Variants in DEPDC5 observed in about 807,000 individuals in gnomAD.
DEPDC5 encodes GATOR1 complex protein DEPDC5.
In DEPDC5, 73 loss-of-function variants were observed where a neutral mutation model predicts 217.3. That is an observed-to-expected ratio of 0.34 (90% confidence interval 0.28 to 0.41). The LOEUF (loss-of-function observed/expected upper bound fraction) is 0.41. Ranked by LOEUF, DEPDC5 falls within the 10% of genes least tolerant of loss-of-function variation. The pLI, the probability that DEPDC5 is intolerant of heterozygous loss-of-function variation, is 1.00. For missense variants in DEPDC5, 1,675 were observed against 2,070.1 expected (o/e 0.81, Z 3.70); for synonymous variants, 733 against 756.7 (o/e 0.97, Z 0.51).
In DEPDC5 at chr22:31,893,679, C is replaced by G; in HGVS notation, c.4131C>G (p.Asn1377Lys). 6.2e-7 allele frequency: 1 copy of G among 1,613,988 alleles called. No homozygotes were observed. The highest frequency in any genetic ancestry group is 8.5e-7 in the Non-Finnish European group (1 of 1,179,978). ...GGTGCAGCTGTTATTACCATGGCAACTTTTCTCTGAATGCAGCCTTTGAGA... is the reference window on the plus strand; with the variant it reads ...GGTGCAGCTGTTATTACCATGGCAAGTTTTCTCTGAATGCAGCCTTTGAGA... ...LEWCSCYYHG[N>K]FSLNAAFEIK... is the part of the protein sequence containing the mutation. The change falls in exon 39 of 43, where the codon AAC (asparagine) becomes AAG (lysine). Residue 1377 changes from asparagine to lysine, a missense_variant. Transcript: ENST00000651528.
intron 31 of DEPDC5, among the ~76,000 whole-genome samples, chr22:31,848,409 G>C (rs898742552): frequency 7.2e-5 from 11 of 152,210 alleles, no homozygotes; most frequent in African/African-American, 2.7e-4. Context: ...AATCTAGGCA[G>C]AGATTCCCAA....
intron 6 of DEPDC5, among the ~76,000 whole-genome samples, chr22:31,768,369 A>G (rs950190126): frequency 3.3e-5 from 5 of 152,132 alleles, no homozygotes; most frequent in Non-Finnish European, 7.3e-5. Context: ...ACCACAAATT[A>G]TAGGTAGAAT....
chr22:31,808,206 G>A (rs1044321001), intron 18 of DEPDC5, among the ~76,000 whole-genome samples: 23 of 149,170 alleles, frequency 1.5e-4, no homozygotes, highest in African/African-American at 5.2e-4. Context: ...ATCAGTTTTC[G>A]TGCCCCAGCC....
chr22:31,792,630 AAAGAC>A (rs2085804980), intron 11 of DEPDC5, 110 bp from the exon 12 acceptor site: 1 of 614,776 alleles, frequency 1.6e-6, no homozygotes, highest in South Asian at 2.1e-5. Flanking sequence ...AAAAAAAAAA[AAAGAC>A]AGTTATCTTT....
chr22:31,810,457 T>G (rs1024317533), intron 19 of DEPDC5, 64 bp from the exon 20 acceptor site: 8 of 1,604,482 alleles, frequency 5.0e-6, no homozygotes, highest in Admixed American at 3.4e-5. Context: ...ATTTGTGTAT[T>G]TCAGCTCTCA....
At chr22:31,882,714 G>A (rs1327495772) in intron 38 of DEPDC5, among the ~76,000 whole-genome samples, 1 of 152,028 alleles carries the variant, frequency 6.6e-6, no homozygotes, top group East Asian at 1.9e-4. Context: ...TTTAAGGTGG[G>A]AAGTAACTAT....
chr22:31,778,464 G>A (rs1200380813), intron 8 of DEPDC5, among the ~76,000 whole-genome samples: 1 of 152,070 alleles, frequency 6.6e-6, no homozygotes, highest in Non-Finnish European at 1.5e-5. Flanking sequence ...ACTCCAGCCT[G>A]GGCAACAGAG....
chr22:31,788,683 C>T (rs1215939747), intron 10 of DEPDC5, among the ~76,000 whole-genome samples: 2 of 151,932 alleles, frequency 1.3e-5, no homozygotes, highest in Non-Finnish European at 1.5e-5. Flanking sequence ...AAGCAGTTCT[C>T]CTGCTTCAGC....
At chr22:31,826,652 C>A (rs1392362738) in intron 24 of DEPDC5, among the ~76,000 whole-genome samples, 1 of 152,160 alleles carries the variant, frequency 6.6e-6, no homozygotes, top group Non-Finnish European at 1.5e-5. Context: ...CATGTTTCCG[C>A]ACAGCTCCGT....
In DEPDC5 at chr22:31,856,773, TTTTGTTTG is replaced by T. The variant is rs141442882; in HGVS notation, c.3156-648_3156-641del. Among the ~76,000 whole-genome samples, 638 of 151,988 alleles carry T rather than the reference TTTTGTTTG, an allele frequency of 4.2e-3. 2 individuals carry two copies. The highest frequency in any genetic ancestry group is 4.7e-3 in the Non-Finnish European group (320 of 67,962). On this transcript the variant is annotated intron_variant, in intron 31 of 42. Transcript: ENST00000651528. ...TTTTATGCTGCATGTTAATGCAGTT[TTTTGTTTG>T]TTTGTTTGTTTGTTTGTTTGTTTTG...
At chr22:31,877,352 G>A (rs1202295466) in intron 37 of DEPDC5, among the ~76,000 whole-genome samples, 11 of 137,790 alleles carry the variant, frequency 8.0e-5, no homozygotes, top group African/African-American at 2.7e-4. Flanking sequence ...CAGGAGAATC[G>A]CTTGAACCCA....
intron 7 of DEPDC5, among the ~76,000 whole-genome samples, chr22:31,776,941 A>G (rs1424528179): frequency 6.6e-6 from 1 of 151,516 alleles, no homozygotes; most frequent in Non-Finnish European, 1.5e-5. Context: ...AAAATGTAAT[A>G]CCAAGTTGCT....
In DEPDC5 at chr22:31,857,483, A is replaced by G. The variant is rs757609394; in HGVS notation, c.3194A>G (p.Lys1065Arg). ...GEQQAAVHGG[K>R]SSAQSAESSS... Reference sequence around the variant, plus strand: ...CAGCAGGCAGCTGTGCATGGTGGGAAGAGCTCCGCCCAGTCAGCCGAGAGC... The same window carrying G: ...CAGCAGGCAGCTGTGCATGGTGGGAGGAGCTCCGCCCAGTCAGCCGAGAGC... The change falls in exon 32 of 43, where the codon AAG becomes AGG. Residue 1065 changes from lysine to arginine, a missense_variant. Lys to Arg is a conservative substitution (Grantham distance 26). Coordinates refer to ENST00000651528, the MANE Select transcript of DEPDC5 (RefSeq NM_001242896.3). 5.6e-6 allele frequency: 9 copies of G among 1,611,592 alleles called. No homozygotes were observed. The Admixed American group carries it at 1.2e-4, about 21-fold the overall frequency.
At chr22:31,775,380 A>G (rs2083736374) in intron 7 of DEPDC5, among the ~76,000 whole-genome samples, 1 of 151,938 alleles carries the variant, frequency 6.6e-6, no homozygotes, top group African/African-American at 2.4e-5. Flanking sequence ...GGGTTTCACC[A>G]TGTTGGCCAG....
chr22:31,877,725 T>G (rs1415173961), intron 37 of DEPDC5, among the ~76,000 whole-genome samples: 1 of 115,622 alleles, frequency 8.6e-6, no homozygotes, highest in Non-Finnish European at 1.6e-5. Context: ...ACTTCCAGTC[T>G]GGCGACAGAG....
intron 35 of DEPDC5, 81 bp from the exon 36 acceptor site, chr22:31,874,192 C>T: frequency 6.5e-7 from 1 of 1,536,446 alleles, no homozygotes; most frequent in South Asian, 1.2e-5. Flanking sequence ...AGTGGGAGTC[C>T]CTTCTTTTTC....
rs746197380 is a variant in DEPDC5, at chr22:31,843,098, T to C, written c.2519T>C (p.Leu840Pro). The C allele has an allele frequency of 2.4e-5, 38 of 1,612,256 alleles. No individual in the cohort carries two copies. The highest frequency in any genetic ancestry group is 3.1e-5 in the Non-Finnish European group (37 of 1,179,220). ...GAAATTATTATTTTTCTGTTAGGCC[T>C]TGTGTCCCGAAACCGCCCTGAGGAG... is the stretch of plus-strand genomic sequence containing the variant. ...LSSSPLYSRG[L>P]VSRNRPEEED... Residue 840 changes from leucine to proline, a missense_variant, in exon 28 of 43, where the codon CTT becomes CCT. Transcript: ENST00000651528.
chr22:31,859,389 CTTT>C (rs567370285), intron 32 of DEPDC5, among the ~76,000 whole-genome samples: 1 of 123,782 alleles, frequency 8.1e-6, no homozygotes, highest in African/African-American at 3.0e-5. Flanking sequence ...CTGCGCCCGG[CTTT>C]TTTTTTTTTT....
chr22:31,766,017 C>T (rs2082782517), intron 5 of DEPDC5, among the ~76,000 whole-genome samples: 1 of 152,086 alleles, frequency 6.6e-6, no homozygotes, highest in South Asian at 2.1e-4. Context: ...ACAGCAATAT[C>T]CTGTCTCAAA....
Sources: gnomAD v4.1 joint callset for allele counts (sites outside exome capture counted in the v4.1 genomes callset) on GRCh38, gnomAD v4.1.1 for gene constraint, MANE v1.5 for transcripts, NCBI Gene and HGNC (gene_info 2026-07-23, HGNC 2026-07-21) for gene names.